The following PADI6 variants were observed in gnomAD, a reference collection of about 807,000 sequenced individuals.
PADI6 encodes the protein peptidyl arginine deiminase 6, also known as inactive protein-arginine deiminase type-6.
In PADI6, 66 loss-of-function variants were observed where a neutral mutation model predicts 78.2. That is an observed-to-expected ratio of 0.84 (90% CI 0.69 to 1.04). The LOEUF (loss-of-function observed/expected upper bound fraction) is 1.04, where lower values mean the gene tolerates loss of function less well. PADI6 is among the 50% of genes least tolerant of loss of function. The pLI is 0.00. For missense variants in PADI6, 854 were observed against 866.1 expected, an observed-to-expected ratio of 0.99 and a Z score of 0.18; for synonymous variants, 397 against 346.9, an observed-to-expected ratio of 1.14 and a Z score of -1.60.
intron 14 of PADI6, among the ~76,000 whole-genome samples, chr1:17,398,304 T>TG (rs2075266266): frequency 6.6e-6 from 1 of 152,094 alleles, no homozygotes; most frequent in Non-Finnish European, 1.5e-5. Context: ...TTAGGTGTGT[T>TG]GGGTATGTGT....
chr1:17,388,029 C>G (rs540426846), intron 6 of PADI6, among the ~76,000 whole-genome samples: 25 of 152,202 alleles, frequency 1.6e-4, no homozygotes, highest in Non-Finnish European at 2.9e-4. Flanking sequence ...CTTTAGGACT[C>G]TGATATTATC....
chr1:17,397,000 CG>C, intron 13 of PADI6, 70 bp from the exon 14 acceptor site: 1 of 1,501,808 alleles, frequency 6.7e-7, no homozygotes, highest in Non-Finnish European at 9.2e-7. Context: ...GGGCCTGGCC[CG>C]AGTGTGCCCA....
At chr1:17,377,810 T>C (rs1316860503) in intron 3 of PADI6, among the ~76,000 whole-genome samples, 1 of 152,214 alleles carries the variant, frequency 6.6e-6, no homozygotes, top group African/African-American at 2.4e-5. Flanking sequence ...GCTGGCACTC[T>C]TGCCCTTCTG....
Position 17,382,070 on chromosome 1 carries a change from G to T in PADI6, c.657G>T (p.Lys219Asn), listed in dbSNP as rs1293147792. Residue 219 changes from lysine (K) to asparagine (N), a missense_variant, in exon 6 of 16, where the codon AAG becomes AAT. Physicochemically the swap from Lys to Asn is moderately conservative, Grantham distance 94. Coordinates refer to ENST00000619609, the MANE Select transcript of PADI6 (RefSeq NM_207421.4). ...VLHTSKEESK[K>N]ARVYWPQKDN... ...ATACCTCCAAGGAAGAGTCGAAGAAGGCGAGAGTCTACTGGCCCCAAAGTG... is the reference window on the plus strand; with the variant it reads ...ATACCTCCAAGGAAGAGTCGAAGAATGCGAGAGTCTACTGGCCCCAAAGTG... The T allele has an allele frequency of 2.7e-5, 44 of 1,613,986 alleles. No individual in the cohort carries two copies. The highest frequency in any genetic ancestry group is 3.6e-5 in the Non-Finnish European group (43 of 1,179,872).
rs2075301442 is a variant in PADI6, at chr1:17,401,535, G to C, written c.*97G>C. 4.3e-6 allele frequency: 5 copies of C among 1,153,660 alleles called. No homozygotes were observed. Among genetic ancestry groups the C allele is most frequent in the South Asian group, 3.0e-5 (2 of 66,056 alleles). 71.5% of individuals were successfully genotyped at this position (1,153,660 alleles called of 1,614,324 possible). On this transcript the variant is annotated 3_prime_UTR_variant, in exon 16 of 16. Transcript: ENST00000619609. ...TTTGCCCAGTAGAGGAGGCTGGAGA[G>C]TCCAGGCAACAGAACCCTTTCTTCC...
chr1:17,384,147 A>G (rs967331505), intron 6 of PADI6, among the ~76,000 whole-genome samples: 1 of 151,998 alleles, frequency 6.6e-6, no homozygotes, highest in Non-Finnish European at 1.5e-5. Flanking sequence ...TGTCTCAAAA[A>G]AAAAAACTTA....
chr1:17,387,466 G>GGT (rs1553153228), intron 6 of PADI6, among the ~76,000 whole-genome samples: 1 of 151,548 alleles, frequency 6.6e-6, no homozygotes, highest in East Asian at 1.9e-4. Flanking sequence ...GGAGGGGGGG[G>GGT]GGCCAGGCGT....
intron 14 of PADI6, among the ~76,000 whole-genome samples, chr1:17,398,062 A>C (rs2075263619): frequency 6.6e-6 from 1 of 152,212 alleles, no homozygotes. Flanking sequence ...CAACTTGTAG[A>C]AGGAGAAGCT....
chr1:17,388,234 C>A, intron 6 of PADI6, 147 bp from the exon 7 acceptor site: 1 of 678,986 alleles, frequency 1.5e-6, no homozygotes, highest in Non-Finnish European at 2.4e-6. Flanking sequence ...ATGCTAGAAA[C>A]GGGGATGGCT....
intron 4 of PADI6, among the ~76,000 whole-genome samples, chr1:17,380,670 T>TA (rs11309669): frequency 8.1e-4 from 120 of 148,018 alleles, no homozygotes; most frequent in East Asian, 3.0e-3. Context: ...TCTAGCTCAC[T>TA]AAAAAAAAAA....
intron 6 of PADI6, among the ~76,000 whole-genome samples, chr1:17,388,119 A>C (rs1303505296): frequency 6.6e-6 from 1 of 152,226 alleles, no homozygotes; most frequent in East Asian, 1.9e-4. Context: ...TGAAGGCATC[A>C]TCACCTGAGC....
intron 3 of PADI6, among the ~76,000 whole-genome samples, chr1:17,379,399 C>A (rs1317703432): frequency 1.4e-5 from 2 of 144,024 alleles, no homozygotes; most frequent in Non-Finnish European, 2.9e-5. Flanking sequence ...CAGGCGTGAG[C>A]CATCGCGCCC....
chr1:17,398,654 G>GCCCCCCCC, intron 14 of PADI6, 32 bp from the exon 15 acceptor site: 6 of 173,478 alleles, frequency 3.5e-5, no homozygotes, highest in South Asian at 1.0e-4. Flanking sequence ...TTGCTCCCCC[G>GCCCCCCCC]CCCCCCCCCC....
At chr1:17,395,278 A>G (rs1476891525) in intron 12 of PADI6, among the ~76,000 whole-genome samples, 171 bp downstream of exon 12, 3 of 150,036 alleles carry the variant, frequency 2.0e-5, no homozygotes, top group Non-Finnish European at 4.4e-5. Context: ...ATCTCCGCTC[A>G]CTGCAACCAC....
Position 17,381,103 on chromosome 1 carries a change from C to A in PADI6, c.492C>A (p.Asn164Lys), listed in dbSNP as rs1435370459. Residue 164 changes from asparagine (N) to lysine (K), a missense_variant, in exon 5 of 16, where the codon AAC becomes AAA. By Grantham distance (94) the Asn-to-Lys change is moderately conservative. Transcript: ENST00000619609. ...GTGCCATCCTGCTTGTGAATTGCAA[C>A]CCTGCTGATGTGGGCCAGCAACTTG... ...GWGAILLVNC[N>K]PADVGQQLED... 6.2e-7 allele frequency: 1 copy of A among 1,610,170 alleles called. No individual in the cohort carries two copies. The highest frequency in any genetic ancestry group is 1.1e-5 in the South Asian group (1 of 89,820).
Position 17,386,104 on chromosome 1 carries a change from G to A in PADI6, c.680-2277G>A, listed in dbSNP as rs1355476132. On this transcript the variant is annotated intron_variant, in intron 6 of 15. Coordinates refer to ENST00000619609, the MANE Select transcript of PADI6 (RefSeq NM_207421.4). ...TAAGGCCTCCTGGGCAGCTCTGTGA[G>A]GACTGAGGGCAGGGAGGGCCTTCCA... 2.6e-5 allele frequency among the ~76,000 whole-genome samples: 4 copies of A among 152,124 alleles called. No homozygotes were observed. In the East Asian group the frequency reaches 5.8e-4, roughly 22 times the overall value.
chr1:17,379,132 T>A (rs1335464057), intron 3 of PADI6, among the ~76,000 whole-genome samples: 8 of 136,176 alleles, frequency 5.9e-5, no homozygotes. Flanking sequence ...TTTTTTTTTT[T>A]AAGACGGAGT....
intron 2 of PADI6, among the ~76,000 whole-genome samples, chr1:17,374,212 C>A (rs975685760): frequency 1.2e-4 from 18 of 152,034 alleles, no homozygotes; most frequent in African/African-American, 4.3e-4. Context: ...TCCCTCCCCC[C>A]ACACCCTACA....
chr1:17,379,608 G>C (rs1293144625), intron 3 of PADI6, among the ~76,000 whole-genome samples: 1 of 152,144 alleles, frequency 6.6e-6, no homozygotes, highest in Non-Finnish European at 1.5e-5. Flanking sequence ...AGACTAGAGA[G>C]GTAGACTTTG....
Sources: allele counts gnomAD v4.1 joint callset (sites outside exome capture counted in the v4.1 genomes callset), GRCh38; gene constraint gnomAD v4.1.1; transcripts MANE v1.5; gene names NCBI Gene and HGNC (gene_info 2026-07-23, HGNC 2026-07-21).